The following CEP120 variants were observed in gnomAD, a reference collection of about 807,000 sequenced individuals.
CEP120 encodes centrosomal protein 120, also known as centrosomal protein of 120 kDa.
Under a neutral mutation model 126.5 loss-of-function variants are expected in CEP120, and 113 were observed. The ratio of observed to expected loss-of-function variants is 0.89; its 90% CI spans 0.77 to 1.04. The LOEUF is 1.04. CEP120 is among the 50% of genes least tolerant of loss of function. The pLI is 0.00. For missense variants in CEP120, 1,230 were observed against 1,155.7 expected (o/e 1.06, Z -0.93); for synonymous variants, 400 against 394.3 (o/e 1.01, Z -0.17).
intron 16 of CEP120, among the ~76,000 whole-genome samples, chr5:123,373,914 C>T (rs563368943): frequency 5.7e-4 from 86 of 152,106 alleles, no homozygotes; most frequent in African/African-American, 2.0e-3. Context: ...GATCTCAATT[C>T]TGTTTGAAAG....
intron 6 of CEP120, among the ~76,000 whole-genome samples, chr5:123,392,259 G>T (rs1772455989): frequency 6.6e-6 from 1 of 152,128 alleles, no homozygotes; most frequent in Non-Finnish European, 1.5e-5. Context: ...GTTAGATACA[G>T]AATAAAACTC....
chr5:123,382,202 T>C lies in CEP120; in HGVS notation c.2014-2A>G. On this transcript the variant is annotated splice_acceptor_variant, in intron 13 of 19. Coordinates refer to ENST00000306467, the MANE Select transcript of CEP120 (RefSeq NM_001375405.1). LOFTEE classifies it high-confidence loss of function. ...ATGAGCCAGTTCTTTCTGCTTCAGC[T>C]ACAAAAGGAAGAAAAATAAAGTCGC... 1 of 1,594,520 alleles carries C rather than the reference T, an allele frequency of 6.3e-7. No homozygotes were observed. Among genetic ancestry groups the C allele is most frequent in the Non-Finnish European group, 8.5e-7 (1 of 1,171,066 alleles).
intron 12 of CEP120, 28 bp downstream of exon 12, chr5:123,382,958 A>G: frequency 6.3e-7 from 1 of 1,597,214 alleles, no homozygotes; most frequent in Middle Eastern, 1.7e-4. Flanking sequence ...CTTTTAAAAA[A>G]AATTTGATAA....
chr5:123,407,105 T>TAAAA (rs34074238), intron 4 of CEP120, among the ~76,000 whole-genome samples: 1 of 124,766 alleles, frequency 8.0e-6, no homozygotes, highest in Non-Finnish European at 1.7e-5. Flanking sequence ...ACTAAAAAAG[T>TAAAA]AAAAAAAAAA....
At chr5:123,394,414 T>C (rs1279925022) in intron 5 of CEP120, among the ~76,000 whole-genome samples, 1 of 152,160 alleles carries the variant, frequency 6.6e-6, no homozygotes, top group Admixed American at 6.5e-5. Context: ...ATCCCTTACA[T>C]GTGTAGTTGA....
At chr5:123,396,092 T>C (rs551023718) in intron 5 of CEP120, among the ~76,000 whole-genome samples, 1 of 151,872 alleles carries the variant, frequency 6.6e-6, no homozygotes, top group Admixed American at 6.6e-5. Flanking sequence ...CTCAGGCTCC[T>C]GAGTAGCTAA....
At chr5:123,378,114 C>T (rs1771364913) in intron 15 of CEP120, among the ~76,000 whole-genome samples, 1 of 149,220 alleles carries the variant, frequency 6.7e-6, no homozygotes, top group Non-Finnish European at 1.5e-5. Flanking sequence ...AGATGACATA[C>T]TTACTAATAA....
Position 123,383,034 on chromosome 5 carries a change from ATCT to A in CEP120, c.1809_1811del (p.Glu603del). On this transcript the variant is annotated inframe_deletion, in exon 12 of 20. Coordinates refer to ENST00000306467, the MANE Select transcript of CEP120 (RefSeq NM_001375405.1). Reference sequence around the variant, plus strand: ...TCTCACGCATTTTTACTAGTCCATAATCTTCTAGAGTCACTGTGTAAGAAAGAT... The same window carrying A: ...TCTCACGCATTTTTACTAGTCCATAATCTAGAGTCACTGTGTAAGAAAGAT... 1 of 1,585,604 alleles carries A rather than the reference ATCT, an allele frequency of 6.3e-7. No homozygotes were observed. The highest frequency in any genetic ancestry group is 1.7e-4 in the Middle Eastern group (1 of 5,976).
At chr5:123,408,556 A>G (rs1311036980) in intron 4 of CEP120, among the ~76,000 whole-genome samples, 1 of 152,178 alleles carries the variant, frequency 6.6e-6, no homozygotes, top group African/African-American at 2.4e-5. Context: ...ACAATATGCC[A>G]AAACTCATAC....
At chr5:123,383,136 T>A in intron 11 of CEP120, 54 bp from the exon 12 acceptor site, 3 of 1,015,172 alleles carry the variant, frequency 3.0e-6, no homozygotes, top group Non-Finnish European at 4.3e-6. Flanking sequence ...TTATATTATT[T>A]TTCCTTTTAT....
Position 123,349,984 on chromosome 5 carries a change from C to A in CEP120, c.2686G>T (p.Glu896Ter). ...AAEEKDTVKT[E>*]RQELLDIRNE... ...CTTATATCCAACAATTCTTGTCGCT[C>A]GGTTTTTACTGTATCTTTTTCCTCA... The change falls in exon 19 of 20, where the codon GAG becomes TAG. Residue 896 changes from glutamate (E) to a stop codon, truncating the protein, a stop_gained. Coordinates refer to ENST00000306467, the MANE Select transcript of CEP120 (RefSeq NM_001375405.1). LOFTEE classifies it high-confidence loss of function. The A allele has an allele frequency of 6.2e-7, 1 of 1,613,632 alleles. No homozygotes were observed. Among genetic ancestry groups the A allele is most frequent in the Non-Finnish European group, 8.5e-7 (1 of 1,179,838 alleles).
At position 123,386,675 on chromosome 5, in the gene CEP120, TTAAAAAAAA is replaced by T; in HGVS notation, c.1431-17_1431-9del. ...AAGAATGGATATGAGTACCTAGAAT[TTAAAAAAAA>T]AAAAAAAAAAAAAAGCCTTAATGAT... On this transcript the variant is annotated splice_polypyrimidine_tract_variant and intron_variant, in intron 9 of 19. Coordinates refer to ENST00000306467, the MANE Select transcript of CEP120 (RefSeq NM_001375405.1). 6.4e-5 allele frequency: 44 copies of T among 688,310 alleles called. No individual in the cohort carries two copies. The highest frequency in any genetic ancestry group is 3.1e-4 in the Admixed American group (4 of 12,976). 42.6% of individuals were successfully genotyped at this position (688,310 alleles called of 1,614,324 possible).
Position 123,346,693 on chromosome 5 carries a change from C to CT in CEP120, c.2786dup (p.Asp930GlyfsTer14). 1 of 1,613,216 alleles carries CT rather than the reference C, an allele frequency of 6.2e-7. No homozygotes were observed. Among genetic ancestry groups the CT allele is most frequent in the Non-Finnish European group, 8.5e-7 (1 of 1,179,814 alleles). On this transcript the variant is annotated frameshift_variant, in exon 20 of 20. Coordinates refer to ENST00000306467, the MANE Select transcript of CEP120 (RefSeq NM_001375405.1). LOFTEE classifies it high-confidence loss of function. ...CCAATACACTGCCATGGGGGCCATC[C>CT]TTTTTTCCACTTGCAATCTCTGTGG...
chr5:123,400,683 A>C, intron 4 of CEP120, among the ~76,000 whole-genome samples: 1 of 109,028 alleles, frequency 9.2e-6, no homozygotes, highest in Admixed American at 1.1e-4. Flanking sequence ...TTGCAGAGCT[A>C]GCTGAGGTTT....
At position 123,345,053 on chromosome 5, in the gene CEP120, T is replaced by C. The variant is rs566389431; in HGVS notation, c.*1466A>G. ...CAGTCACAGGCAACACACAATGCAA[T>C]TGAAAGTAAACAGTCACAGCATTTT... On this transcript the variant is annotated 3_prime_UTR_variant, in exon 20 of 20. Coordinates refer to ENST00000306467, the MANE Select transcript of CEP120 (RefSeq NM_001375405.1). The C allele has an allele frequency of 1.3e-5, 2 of 152,266 alleles. No individual in the cohort carries two copies. The highest frequency in any genetic ancestry group is 1.9e-4 in the East Asian group (1 of 5,178). 9.4% of individuals were successfully genotyped at this position (152,266 alleles called of 1,614,324 possible). A position where few individuals can be genotyped will look rare whatever the true frequency, so the allele number is the denominator to read the frequency against.
intron 6 of CEP120, 137 bp from the exon 7 acceptor site, chr5:123,391,474 G>A: frequency 3.1e-6 from 2 of 649,152 alleles, no homozygotes; most frequent in Non-Finnish European, 5.2e-6. Context: ...GACCTCAAGT[G>A]ACGAAGTAAT....
intron 7 of CEP120, 138 bp from the exon 8 acceptor site, chr5:123,390,278 T>A: frequency 2.6e-6 from 2 of 764,068 alleles, no homozygotes; most frequent in Non-Finnish European, 4.5e-6. Context: ...TCTTCGTAAT[T>A]TGCAAATTTC....
At chr5:123,391,595 G>A (rs956024161) in intron 6 of CEP120, among the ~76,000 whole-genome samples, 2 of 126,508 alleles carry the variant, frequency 1.6e-5, no homozygotes, top group Non-Finnish European at 3.6e-5. Flanking sequence ...ATAATCATAT[G>A]TTATTGCTTC....
chr5:123,396,453 A>C (rs909181276), intron 5 of CEP120, among the ~76,000 whole-genome samples: 1 of 152,174 alleles, frequency 6.6e-6, no homozygotes, highest in African/African-American at 2.4e-5. Flanking sequence ...AAACTGAAAC[A>C]GTAATTTGTC....
Sources: gnomAD v4.1 joint callset for allele counts (sites outside exome capture counted in the v4.1 genomes callset) on GRCh38, gnomAD v4.1.1 for gene constraint, MANE v1.5 for transcripts, NCBI Gene and HGNC (gene_info 2026-07-23, HGNC 2026-07-21) for gene names.